Variants in FSTL4 observed in about 807,000 individuals in gnomAD.
FSTL4 encodes follistatin-related protein 4.
FSTL4 carries 28 observed loss-of-function variants against 78.2 expected under a neutral mutation model. The observed-to-expected ratio is 0.36, with a 90% CI of 0.27 to 0.49. FSTL4 has a LOEUF of 0.49. Among genes scored for constraint, FSTL4 ranks in the 20% least tolerant of loss-of-function variants. The probability of loss-of-function intolerance (pLI) is 0.98; values close to 1 mark genes in which losing one functional copy is unlikely to be tolerated. For missense variants in FSTL4, 922 were observed against 1,084.9 expected (o/e 0.85, Z 2.11); for synonymous variants, 422 against 440.5 (o/e 0.96, Z 0.53).
intron 2 of FSTL4, among the ~76,000 whole-genome samples, chr5:133,571,518 GT>G (rs1256489190): frequency 6.6e-6 from 1 of 152,164 alleles, no homozygotes; most frequent in Non-Finnish European, 1.5e-5. Flanking sequence ...TGGCTAATAT[GT>G]TTAGGAAAAT....
At chr5:133,487,112 T>G (rs373642180) in intron 3 of FSTL4, among the ~76,000 whole-genome samples, 2 of 152,162 alleles carry the variant, frequency 1.3e-5, no homozygotes, top group African/African-American at 4.8e-5. Flanking sequence ...ACCAATGAAC[T>G]GCATAGAAGG....
At chr5:133,830,459 G>A in the FSTL4 span, among the ~76,000 whole-genome samples, 1 of 152,184 alleles carries the variant, frequency 6.6e-6, no homozygotes, top group Non-Finnish European at 1.5e-5. Context: ...GCACAGGGCT[G>A]GGGCAAGGCC....
chr5:133,758,423 C>G, the FSTL4 span, among the ~76,000 whole-genome samples: 2 of 152,184 alleles, frequency 1.3e-5, no homozygotes, highest in Admixed American at 1.3e-4. Flanking sequence ...AAGACCTAAA[C>G]AAATAAAACA....
At chr5:133,624,444 G>A in the FSTL4 span, among the ~76,000 whole-genome samples, 2 of 151,880 alleles carry the variant, frequency 1.3e-5, no homozygotes, top group Admixed American at 6.6e-5. Flanking sequence ...GGAATAGAGA[G>A]TAATTACTTC....
intron 4 of FSTL4, among the ~76,000 whole-genome samples, chr5:133,383,694 A>G (rs938357196): frequency 1.3e-5 from 2 of 152,116 alleles, no homozygotes; most frequent in African/African-American, 4.8e-5. Flanking sequence ...CGCAGCCTTC[A>G]TTACCGATTT....
rs763624616 is a variant in FSTL4, at chr5:133,316,475, C to G, written c.587G>C (p.Ser196Thr). ...LDADGNGHLSSSELAQHVLKK... is the reference protein window; with the variant it reads ...LDADGNGHLSTSELAQHVLKK... ...GATGCCCACCTGAGCCAGTTCGGAGCTGCTGAGGTGGCCATTGCCATCTGC... is the reference window on the plus strand; with the variant it reads ...GATGCCCACCTGAGCCAGTTCGGAGGTGCTGAGGTGGCCATTGCCATCTGC... The change falls in exon 5 of 16, where the codon AGC becomes ACC. Residue 196 changes from serine (S) to threonine (T), a missense_variant. Ser to Thr is a moderately conservative substitution (Grantham distance 58). Transcript: ENST00000265342. 1 of 1,613,774 alleles carries G rather than the reference C, an allele frequency of 6.2e-7. No individual in the cohort carries two copies. The highest frequency in any genetic ancestry group is 2.2e-5 in the East Asian group (1 of 44,876).
the FSTL4 span, among the ~76,000 whole-genome samples, chr5:133,738,860 C>G: frequency 1.3e-5 from 2 of 152,162 alleles, no homozygotes; most frequent in African/African-American, 2.4e-5. Context: ...TTCAACAAGG[C>G]ACCAGAGCCA....
intron 6 of FSTL4, among the ~76,000 whole-genome samples, chr5:133,262,057 G>A (rs1291831939): frequency 2.0e-5 from 3 of 151,894 alleles, no homozygotes; most frequent in Non-Finnish European, 2.9e-5. Context: ...ATTATAAATG[G>A]GACCTAACGC....
intron 7 of FSTL4, chr5:133,243,701 G>T (rs1328703618): frequency 6.6e-6 from 1 of 152,256 alleles, no homozygotes; most frequent in Non-Finnish European, 1.5e-5. Flanking sequence ...GGGATGAGCT[G>T]ATGCTTATGA....
intron 7 of FSTL4, chr5:133,247,083 G>C (rs1435672492): frequency 6.6e-6 from 1 of 152,250 alleles, no homozygotes; most frequent in African/African-American, 2.4e-5. Flanking sequence ...GGAGGTGTGC[G>C]TGTGTTTTGT....
chr5:133,335,086 G>A lies in FSTL4; in HGVS notation c.410-18434C>T, dbSNP rs188787836. 1.2e-3 allele frequency among the ~76,000 whole-genome samples: 176 copies of A among 152,324 alleles called. 1 individual carries two copies. Among genetic ancestry groups the A allele is most frequent in the African/African-American group, 3.8e-3 (157 of 41,578 alleles). On this transcript the variant is annotated intron_variant, in intron 4 of 15. Transcript: ENST00000265342. ...GAGCAAGGCTCCCGAAACACCTGGC[G>A]GTCTGTGCTGACACGGCACCACCTC... is the stretch of plus-strand genomic sequence containing the variant.
the FSTL4 span, among the ~76,000 whole-genome samples, chr5:133,776,758 G>T: frequency 6.6e-6 from 1 of 152,078 alleles, no homozygotes; most frequent in Non-Finnish European, 1.5e-5. Context: ...TGGTGAAAAA[G>T]GTTTTCCATA....
At chr5:133,714,629 T>C in the FSTL4 span, among the ~76,000 whole-genome samples, 6 of 152,194 alleles carry the variant, frequency 3.9e-5, no homozygotes, top group Non-Finnish European at 5.9e-5. Flanking sequence ...CTGTGATGAG[T>C]GAGTAAATCT....
At chr5:133,652,688 T>C in the FSTL4 span, among the ~76,000 whole-genome samples, 2 of 152,226 alleles carry the variant, frequency 1.3e-5, no homozygotes, top group East Asian at 1.9e-4. Flanking sequence ...AAGTAGTCTA[T>C]CTTCATGAAC....
chr5:133,694,320 C>T, the FSTL4 span, among the ~76,000 whole-genome samples: 1 of 152,264 alleles, frequency 6.6e-6, no homozygotes, highest in Non-Finnish European at 1.5e-5. Flanking sequence ...TACCCGAGGG[C>T]CTAAAACTGA....
chr5:133,264,685 TTC>T (rs914734692), intron 6 of FSTL4, among the ~76,000 whole-genome samples: 1 of 152,178 alleles, frequency 6.6e-6, no homozygotes, highest in East Asian at 1.9e-4. Flanking sequence ...TATGGGACAT[TTC>T]TCTCTCTCTT....
Position 133,459,201 on chromosome 5 carries a change from G to A in FSTL4, c.161-58215C>T, listed in dbSNP as rs182838183. ...TTGGGCCTGAGAGGCTGAAGCAAAG[G>A]GCACATATGTTTATTCTGAGGCTAA... On this transcript the variant is annotated intron_variant, in intron 3 of 15. Coordinates refer to ENST00000265342, the MANE Select transcript of FSTL4 (RefSeq NM_015082.2). Among the ~76,000 whole-genome samples the A allele has an allele frequency of 3.3e-3, 502 of 152,200 alleles. 7 individuals are homozygous for A. The highest frequency in any genetic ancestry group is 0.026 in the Admixed American group (394 of 15,284).
chr5:133,344,936 C>T (rs1339705796), intron 4 of FSTL4, among the ~76,000 whole-genome samples: 1 of 150,716 alleles, frequency 6.6e-6, no homozygotes, highest in African/African-American at 2.4e-5. Flanking sequence ...TTCTGTCTTG[C>T]TGGATTACAC....
At chr5:133,346,404 T>A (rs1218784589) in intron 4 of FSTL4, among the ~76,000 whole-genome samples, 1 of 152,062 alleles carries the variant, frequency 6.6e-6, no homozygotes, top group Non-Finnish European at 1.5e-5. Flanking sequence ...GAACTTAAAG[T>A]ATAATAAATA....
Sources: gnomAD v4.1 joint callset for allele counts (sites outside exome capture counted in the v4.1 genomes callset) on GRCh38, gnomAD v4.1.1 for gene constraint, MANE v1.5 for transcripts, NCBI Gene and HGNC (gene_info 2026-07-23, HGNC 2026-07-21) for gene names.